ACVR2A: variants seen among roughly 807,000 people sequenced by gnomAD.
ACVR2A encodes activin receptor type-2A.
ACVR2A carries 7 observed loss-of-function variants against 61.4 expected under a neutral mutation model. The observed-to-expected ratio is 0.11, with a 90% CI of 0.06 to 0.21. ACVR2A has a LOEUF of 0.21. Among genes scored for constraint, ACVR2A ranks in the 10% least tolerant of loss-of-function variants. The probability of loss-of-function intolerance (pLI) is 1.00; values close to 1 mark genes in which losing one functional copy is unlikely to be tolerated. For synonymous variants in ACVR2A, 193 were observed against 208.3 expected, an observed-to-expected ratio of 0.93 and a Z score of 0.63; for missense variants, 322 against 621.7, an observed-to-expected ratio of 0.52 and a Z score of 5.13.
chr2:147,881,449 C>A (rs1481232000), intron 1 of ACVR2A, among the ~76,000 whole-genome samples: 1 of 151,966 alleles, frequency 6.6e-6, no homozygotes, highest in Non-Finnish European at 1.5e-5. Flanking sequence ...ATTTTTCTGC[C>A]TGTACATCAG....
At chr2:147,881,746 A>G (rs2105171510) in intron 1 of ACVR2A, among the ~76,000 whole-genome samples, 1 of 151,752 alleles carries the variant, frequency 6.6e-6, no homozygotes, top group African/African-American at 2.4e-5. Flanking sequence ...CTTTTTTCAT[A>G]TATCTAACTT....
intron 9 of ACVR2A, among the ~76,000 whole-genome samples, chr2:147,923,759 A>G (rs1022838186): frequency 3.3e-5 from 5 of 152,078 alleles, no homozygotes; most frequent in African/African-American, 1.2e-4. Context: ...ATATAAGGCA[A>G]ACTTGCCGAC....
intron 1 of ACVR2A, among the ~76,000 whole-genome samples, chr2:147,853,829 A>G (rs1235245662): frequency 2.0e-5 from 3 of 152,116 alleles, no homozygotes. Flanking sequence ...CCATCTTCAT[A>G]ACTATATGTG....
At chr2:147,866,117 G>A (rs923237078) in intron 1 of ACVR2A, among the ~76,000 whole-genome samples, 1 of 152,118 alleles carries the variant, frequency 6.6e-6, no homozygotes, top group Non-Finnish European at 1.5e-5. Context: ...ATGGTATCAA[G>A]CATTAAAGCC....
chr2:147,928,563 CAAATT>C lies in ACVR2A; in HGVS notation c.*1293_*1297del, dbSNP rs1473189238. ...CTGCTTTAAAACAAATCAGGGATAA[CAAATT>C]AAACGTATAACTTAAAATATGCAAT... On this transcript the variant is annotated 3_prime_UTR_variant, in exon 11 of 11. Coordinates refer to ENST00000241416, the MANE Select transcript of ACVR2A (RefSeq NM_001616.5). 1.3e-5 allele frequency: 2 copies of C among 152,154 alleles called. No individual in the cohort carries two copies. Among genetic ancestry groups the C allele is most frequent in the Admixed American group, 6.6e-5 (1 of 15,166 alleles). The allele number at this position is 152,154 out of a possible 1,614,324, so 9.4% of individuals were successfully genotyped here.
upstream of ACVR2A, chr2:147,844,973 TTC>T: frequency 2.3e-6 from 1 of 432,674 alleles, no homozygotes; most frequent in South Asian, 3.5e-5. Context: ...GCTCTTTTTT[TTC>T]TTTTTTTTTT....
chr2:147,846,190 AGAT>A (rs1685310090), intron 1 of ACVR2A, among the ~76,000 whole-genome samples: 1 of 152,172 alleles, frequency 6.6e-6, no homozygotes, highest in Non-Finnish European at 1.5e-5. Context: ...TTAGTTCAAT[AGAT>A]GAAACATTTT....
intron 1 of ACVR2A, among the ~76,000 whole-genome samples, chr2:147,850,105 C>T (rs1309611141): frequency 6.6e-6 from 1 of 152,112 alleles, no homozygotes; most frequent in Non-Finnish European, 1.5e-5. Flanking sequence ...TTTTTGCTCA[C>T]TGCTCTGTAA....
chr2:147,927,425 TC>T lies in ACVR2A; in HGVS notation c.*152del. On this transcript the variant is annotated 3_prime_UTR_variant, in exon 11 of 11. Transcript: ENST00000241416. The stretch of plus-strand genomic sequence containing the variant: ...AAGACCCTTTGTTGAAAAATGTTGC[TC>T]TGGGAGACTTACTGCATTGCCGACA... 2.7e-6 allele frequency: 2 copies of T among 738,786 alleles called. No homozygotes were observed. The highest frequency in any genetic ancestry group is 4.2e-6 in the Non-Finnish European group (2 of 479,056). The allele number at this position is 738,786 out of a possible 1,614,324, so 45.8% of individuals were successfully genotyped here.
At chr2:147,857,878 T>C (rs1685625245) in intron 1 of ACVR2A, among the ~76,000 whole-genome samples, 1 of 152,182 alleles carries the variant, frequency 6.6e-6, no homozygotes, top group East Asian at 1.9e-4. Flanking sequence ...GTTTGTTACA[T>C]AGGTAAACTT....
chr2:147,927,635 A>G lies in ACVR2A; in HGVS notation c.*361A>G. On this transcript the variant is annotated 3_prime_UTR_variant, in exon 11 of 11. Transcript: ENST00000241416. ...CTGTCAGAAGACACTAATTCCTTAA[A>G]TGAACTACTGCTATTTTTTTTAAAT... 1 of 166,726 alleles carries G rather than the reference A, an allele frequency of 6.0e-6. No individual in the cohort carries two copies. The highest frequency in any genetic ancestry group is 1.3e-5 in the Non-Finnish European group (1 of 77,780). The allele number at this position is 166,726 out of a possible 1,614,324, so 10.3% of individuals were successfully genotyped here.
intron 1 of ACVR2A, among the ~76,000 whole-genome samples, chr2:147,850,812 C>T (rs1349864528): frequency 3.3e-5 from 5 of 151,968 alleles, no homozygotes; most frequent in Admixed American, 3.3e-4. Flanking sequence ...TTTTGTATAC[C>T]CAGTGCATCT....
chr2:147,884,068 ATGTT>A (rs2105174621), intron 1 of ACVR2A, among the ~76,000 whole-genome samples: 1 of 152,246 alleles, frequency 6.6e-6, no homozygotes, highest in African/African-American at 2.4e-5. Flanking sequence ...TATTGTGTGC[ATGTT>A]TGTTTCCTTA....
intron 1 of ACVR2A, among the ~76,000 whole-genome samples, chr2:147,895,833 G>C (rs2105189522): frequency 6.6e-6 from 1 of 152,268 alleles, no homozygotes; most frequent in Middle Eastern, 3.4e-3. Flanking sequence ...CTGGTTAACA[G>C]TAGTCTATTG....
At chr2:147,867,292 G>T (rs896604373) in intron 1 of ACVR2A, among the ~76,000 whole-genome samples, 1 of 152,072 alleles carries the variant, frequency 6.6e-6, no homozygotes, top group Non-Finnish European at 1.5e-5. Context: ...AAAGAGGTGG[G>T]GAAGAAAGCC....
In ACVR2A at chr2:147,889,307, G is replaced by C. The variant is rs780894170; in HGVS notation, c.56-6994G>C. ...TTGTTTTTGATATCGAGATGATACT[G>C]GTCTCATAAAATGAGTTGGGAAGTC... is the stretch of plus-strand genomic sequence containing the variant. On this transcript the variant is annotated intron_variant, in intron 1 of 10. Transcript: ENST00000241416. Among the ~76,000 whole-genome samples, 9 of 152,066 alleles carry C rather than the reference G, an allele frequency of 5.9e-5. No individual in the cohort carries two copies. In the East Asian group the frequency reaches 1.5e-3, roughly 26 times the overall value.
chr2:147,911,438 A>T (rs1430253547), intron 4 of ACVR2A, among the ~76,000 whole-genome samples: 1 of 152,080 alleles, frequency 6.6e-6, no homozygotes, highest in African/African-American at 2.4e-5. Context: ...ATACTAAACC[A>T]TTATTCTCTT....
chr2:147,872,579 T>C (rs1686049169), intron 1 of ACVR2A, among the ~76,000 whole-genome samples: 1 of 150,066 alleles, frequency 6.7e-6, no homozygotes, highest in Admixed American at 6.7e-5. Flanking sequence ...GGCTACTAGA[T>C]GAACATGGTA....
At chr2:147,857,544 A>AC (rs1021675795) in intron 1 of ACVR2A, among the ~76,000 whole-genome samples, 2 of 150,908 alleles carry the variant, frequency 1.3e-5, no homozygotes, top group African/African-American at 2.5e-5. Flanking sequence ...AAAAAAAAAA[A>AC]AAAAAAACAA....
Sources: allele counts gnomAD v4.1 joint callset (sites outside exome capture counted in the v4.1 genomes callset), GRCh38; gene constraint gnomAD v4.1.1; transcripts MANE v1.5; gene names NCBI Gene and HGNC (gene_info 2026-07-23, HGNC 2026-07-21).